Variants in BCKDHB observed in about 807,000 individuals in gnomAD.
BCKDHB encodes 2-oxoisovalerate dehydrogenase subunit beta, mitochondrial.
BCKDHB carries 41 observed loss-of-function variants against 48.5 expected under a neutral mutation model. That is an observed-to-expected ratio of 0.85 (90% CI 0.66 to 1.10). BCKDHB has a LOEUF of 1.10. Among genes scored for constraint, BCKDHB ranks in the 50% least tolerant of loss-of-function variants. BCKDHB has a pLI of 0.00. For missense variants in BCKDHB, 496 were observed against 494.2 expected (o/e 1.00, Z -0.03); for synonymous variants, 201 against 174.8 (o/e 1.15, Z -1.18).
At chr6:80,407,881 C>G in the BCKDHB span, among the ~76,000 whole-genome samples, 1,689 of 152,230 alleles carry the variant, frequency 0.011, 17 homozygotes, top group African/African-American at 0.026. Flanking sequence ...GCTGGAACTT[C>G]CAACACTGTG....
At chr6:80,111,614 T>C (rs1769413151) in intron 1 of BCKDHB, among the ~76,000 whole-genome samples, 1 of 152,164 alleles carries the variant, frequency 6.6e-6, no homozygotes, top group Non-Finnish European at 1.5e-5. Context: ...AGGCCTGAAA[T>C]AGGTAGCCTA....
the BCKDHB span, chr6:80,355,574 GTTCAA>G: frequency 6.6e-6 from 1 of 151,938 alleles, no homozygotes; most frequent in Non-Finnish European, 1.5e-5. Context: ...AAATTATAAA[GTTCAA>G]TTCATTTTTT....
At chr6:80,222,541 T>C (rs866293518) in intron 8 of BCKDHB, among the ~76,000 whole-genome samples, 38 of 152,180 alleles carry the variant, frequency 2.5e-4, no homozygotes, top group African/African-American at 9.2e-4. Flanking sequence ...GATAAGTCTT[T>C]CAACACTGAG....
chr6:80,411,781 A>C, the BCKDHB span, among the ~76,000 whole-genome samples: 1 of 152,218 alleles, frequency 6.6e-6, no homozygotes, highest in African/African-American at 2.4e-5. Flanking sequence ...CAGGCACGGG[A>C]GGGAATCTCC....
chr6:80,429,664 GCT>G, the BCKDHB span, among the ~76,000 whole-genome samples: 2 of 152,064 alleles, frequency 1.3e-5, no homozygotes, highest in Non-Finnish European at 2.9e-5. Flanking sequence ...TCATGATTTG[GCT>G]CTGTTTGTCT....
chr6:80,446,433 G>A, the BCKDHB span, among the ~76,000 whole-genome samples: 2 of 152,178 alleles, frequency 1.3e-5, no homozygotes, highest in African/African-American at 4.8e-5. Flanking sequence ...TTATAAAGCT[G>A]CATGTTGGCA....
chr6:80,332,706 T>TA (rs201659861), intron 9 of BCKDHB, among the ~76,000 whole-genome samples: 43,069 of 139,362 alleles, frequency 0.31, 6,874 homozygotes, highest in African/African-American at 0.37. Flanking sequence ...ACCCTTATAG[T>TA]AAAAAAAAAA....
At chr6:80,107,415 TTGTGTGTA>T (rs1436081290) in intron 1 of BCKDHB, among the ~76,000 whole-genome samples, 2,806 of 91,810 alleles carry the variant, frequency 0.031, 43 homozygotes, top group South Asian at 0.051. Context: ...CATACAGAAA[TTGTGTGTA>T]TGTGTGTGTG....
intron 8 of BCKDHB, among the ~76,000 whole-genome samples, chr6:80,268,387 G>C (rs16891609): frequency 0.028 from 4,315 of 152,042 alleles, 180 homozygotes; most frequent in African/African-American, 0.099. Flanking sequence ...ACATATATGA[G>C]GTTCTCTTGA....
At chr6:80,298,905 C>T (rs150502913) in intron 9 of BCKDHB, among the ~76,000 whole-genome samples, 243 of 152,238 alleles carry the variant, frequency 1.6e-3, no homozygotes, top group African/African-American at 5.6e-3. Context: ...TAAGTTTCCC[C>T]CTTTAGGGAG....
chr6:80,251,764 G>A (rs1209914785), intron 8 of BCKDHB: 2 of 152,126 alleles, frequency 1.3e-5, no homozygotes, highest in Admixed American at 6.5e-5. Context: ...CAGCTGGTTT[G>A]TTCTCTCATT....
the BCKDHB span, among the ~76,000 whole-genome samples, chr6:80,376,247 G>A: frequency 6.6e-6 from 1 of 151,998 alleles, no homozygotes; most frequent in Non-Finnish European, 1.5e-5. Flanking sequence ...CAGGATCATG[G>A]TTGCCTCTAC....
chr6:80,354,235 A>T, the BCKDHB span, among the ~76,000 whole-genome samples: 2 of 151,436 alleles, frequency 1.3e-5, no homozygotes, highest in African/African-American at 4.9e-5. Context: ...TTATTTATTT[A>T]TTTATTTTTT....
intron 3 of BCKDHB, among the ~76,000 whole-genome samples, chr6:80,145,784 G>A (rs971194425): frequency 5.3e-5 from 8 of 152,142 alleles, no homozygotes; most frequent in African/African-American, 1.7e-4. Context: ...ACATTGACCA[G>A]TGGGTACAGG....
At chr6:80,431,017 G>C in the BCKDHB span, among the ~76,000 whole-genome samples, 2 of 152,118 alleles carry the variant, frequency 1.3e-5, no homozygotes, top group African/African-American at 4.8e-5. Flanking sequence ...CTGGTCCGTT[G>C]TGTCTTTGTT....
chr6:80,442,126 A>G, the BCKDHB span, among the ~76,000 whole-genome samples: 708 of 152,278 alleles, frequency 4.6e-3, 3 homozygotes, highest in African/African-American at 0.015. Context: ...CAGTCAATCT[A>G]AAACATCAAC....
At chr6:80,171,943 T>G (rs1227672209) in intron 6 of BCKDHB, among the ~76,000 whole-genome samples, 1 of 152,106 alleles carries the variant, frequency 6.6e-6, no homozygotes, top group Non-Finnish European at 1.5e-5. Context: ...GTAATGGAAA[T>G]TTTAAATAGC....
In BCKDHB at chr6:80,130,667, A is replaced by G. The variant is rs148091930; in HGVS notation, c.343+1438A>G. On this transcript the variant is annotated intron_variant, in intron 3 of 9. Coordinates refer to ENST00000320393, the MANE Select transcript of BCKDHB (RefSeq NM_183050.4). ...ACACATTTGATTTCAAAAGTAATGC[A>G]TATACATTGTAGAAAATTTGGAAAA... Among the ~76,000 whole-genome samples, 195 of 152,330 alleles carry G rather than the reference A, an allele frequency of 1.3e-3. 1 individual carries two copies. Among genetic ancestry groups the G allele is most frequent in the African/African-American group, 4.5e-3 (187 of 41,572 alleles).
intron 3 of BCKDHB, among the ~76,000 whole-genome samples, chr6:80,149,290 G>A (rs1771642369): frequency 6.6e-6 from 1 of 152,186 alleles, no homozygotes. Flanking sequence ...ACACCAGTTA[G>A]AATGGCAATC....
Sources: allele counts gnomAD v4.1 joint callset (sites outside exome capture counted in the v4.1 genomes callset), GRCh38; gene constraint gnomAD v4.1.1; transcripts MANE v1.5; gene names NCBI Gene and HGNC (gene_info 2026-07-23, HGNC 2026-07-21).